The following XIRP2 variants were observed in gnomAD, a reference collection of about 807,000 sequenced individuals.
XIRP2 encodes xin actin-binding repeat-containing protein 2.
In XIRP2, 236 loss-of-function variants were observed where a neutral mutation model predicts 277.0. The observed-to-expected ratio is 0.85, with a 90% CI of 0.77 to 0.95. XIRP2 has a LOEUF of 0.95. XIRP2 is among the 40% of genes least tolerant of loss of function. XIRP2 has a pLI of 0.00. For synonymous variants in XIRP2, 1,490 were observed against 1,416.5 expected (o/e 1.05, Z -1.17); for missense variants, 4,640 against 4,157.5 (o/e 1.12, Z -3.19).
At chr2:166,910,028 G>T (rs537512941) in intron 2 of XIRP2, among the ~76,000 whole-genome samples, 2 of 152,282 alleles carry the variant, frequency 1.3e-5, no homozygotes, top group East Asian at 3.9e-4. Flanking sequence ...ATTTTACTGA[G>T]GATTTAGGCA....
At chr2:167,020,243 G>A (rs1687942813) in intron 2 of XIRP2, among the ~76,000 whole-genome samples, 1 of 151,924 alleles carries the variant, frequency 6.6e-6, no homozygotes, top group South Asian at 2.1e-4. Context: ...CATCTATCGG[G>A]ATCTTTCAGG....
At chr2:167,146,770 T>C (rs1246799249) in intron 3 of XIRP2, among the ~76,000 whole-genome samples, 1 of 151,846 alleles carries the variant, frequency 6.6e-6, no homozygotes, top group Non-Finnish European at 1.5e-5. Flanking sequence ...GCATGCACAA[T>C]GAAGGCATAT....
chr2:166,978,200 T>C (rs1574131471), intron 2 of XIRP2, among the ~76,000 whole-genome samples: 1 of 152,174 alleles, frequency 6.6e-6, no homozygotes, highest in East Asian at 1.9e-4. Context: ...AAGTGTGTAT[T>C]TGTTTATTTG....
At chr2:166,892,273 G>GA in intron 1 of XIRP2, among the ~76,000 whole-genome samples, 1 of 152,096 alleles carries the variant, frequency 6.6e-6, no homozygotes, top group East Asian at 1.9e-4. Flanking sequence ...AATTATACCT[G>GA]AAAAAAATAT....
At chr2:167,166,451 T>A (rs565143776) in intron 3 of XIRP2, among the ~76,000 whole-genome samples, 1 of 152,210 alleles carries the variant, frequency 6.6e-6, no homozygotes, top group Non-Finnish European at 1.5e-5. Flanking sequence ...CATAAAGTAG[T>A]CTATAGATAT....
At chr2:167,118,068 C>T (rs1420485437) in intron 2 of XIRP2, among the ~76,000 whole-genome samples, 1 of 152,024 alleles carries the variant, frequency 6.6e-6, no homozygotes, top group East Asian at 1.9e-4. Flanking sequence ...TATGTTTTTT[C>T]CCCCACCAAA....
chr2:167,082,787 G>A (rs1689779025), intron 2 of XIRP2, among the ~76,000 whole-genome samples: 1 of 152,104 alleles, frequency 6.6e-6, no homozygotes, highest in South Asian at 2.1e-4. Flanking sequence ...TTTTGATGGG[G>A]TTGTTTGTTT....
intron 2 of XIRP2, among the ~76,000 whole-genome samples, chr2:167,022,363 A>G (rs1401801923): frequency 6.6e-6 from 1 of 152,160 alleles, no homozygotes; most frequent in African/African-American, 2.4e-5. Flanking sequence ...ATGATTTTCT[A>G]AATGTTGTTG....
At position 167,156,142 on chromosome 2, in the gene XIRP2, G is replaced by A. The variant is rs551835880; in HGVS notation, c.562+20080G>A. The stretch of plus-strand genomic sequence containing the variant: ...AACATTCCATGCTCATGGGTAGGAA[G>A]AATCAATATCGTGAAAATGGCCATA... On this transcript the variant is annotated intron_variant, in intron 3 of 10. Coordinates refer to ENST00000409195, the MANE Select transcript of XIRP2 (RefSeq NM_152381.6). 6.4e-4 allele frequency among the ~76,000 whole-genome samples: 97 copies of A among 151,946 alleles called. 1 individual carries two copies. Among genetic ancestry groups the A allele is most frequent in the Non-Finnish European group, 1.9e-4 (13 of 67,988 alleles).
intron 3 of XIRP2, among the ~76,000 whole-genome samples, chr2:167,140,355 A>G (rs1227535196): frequency 5.3e-5 from 8 of 152,206 alleles, no homozygotes; most frequent in Non-Finnish European, 7.3e-5. Context: ...TAAGATTAAC[A>G]AAGTTAAATG....
intron 3 of XIRP2, among the ~76,000 whole-genome samples, chr2:167,201,221 A>T (rs1030154685): frequency 8.9e-6 from 1 of 112,558 alleles, no homozygotes; most frequent in Non-Finnish European, 1.7e-5. Flanking sequence ...AAAGAAAGAA[A>T]GAAAGAAAGA....
intron 2 of XIRP2, among the ~76,000 whole-genome samples, chr2:167,084,720 T>C (rs1416099283): frequency 6.6e-6 from 1 of 151,942 alleles, no homozygotes; most frequent in Non-Finnish European, 1.5e-5. Flanking sequence ...TTTTCTAGTT[T>C]ATTTGCGTAG....
chr2:167,243,677 T>A lies in XIRP2; in HGVS notation c.2285T>A (p.Val762Asp), dbSNP rs188044002. 344 of 1,613,878 alleles carry A rather than the reference T, an allele frequency of 2.1e-4. No homozygotes were observed. The highest frequency in any genetic ancestry group is 1.9e-4 in the Non-Finnish European group (224 of 1,179,940). ...LEIKTVHREDVEKGDVRTARW... is the reference protein window; with the variant it reads ...LEIKTVHREDDEKGDVRTARW... ...ATTAAAACTGTTCACAGAGAAGACG[T>A]TGAAAAGGGAGATGTAAGAACAGCA... Residue 762 changes from valine to aspartate, a missense_variant, in exon 9 of 11, where the codon GTT (valine) becomes GAT (aspartate). Transcript: ENST00000409195.
chr2:167,212,897 AC>A (rs1305310191), intron 4 of XIRP2, among the ~76,000 whole-genome samples: 12 of 23,722 alleles, frequency 5.1e-4, no homozygotes, highest in African/African-American at 1.7e-3. Context: ...CCACCCCCCC[AC>A]CCCCCCACCC....
chr2:167,243,395 A>G lies in XIRP2; in HGVS notation c.2003A>G (p.Lys668Arg). 6.2e-7 allele frequency: 1 copy of G among 1,614,084 alleles called. No individual in the cohort carries two copies. Among genetic ancestry groups the G allele is most frequent in the Non-Finnish European group, 8.5e-7 (1 of 1,179,980 alleles). The change falls in exon 9 of 11, where the codon AAA becomes AGA. Residue 668 changes from lysine to arginine, a missense_variant. Coordinates refer to ENST00000409195, the MANE Select transcript of XIRP2 (RefSeq NM_152381.6). Reference protein sequence around the residue: ...FETRPLDSMNKMHQSQEESAV... With the variant: ...FETRPLDSMNRMHQSQEESAV... ...ACAAGGCCATTGGACTCAATGAATAAAATGCATCAAAGTCAAGAAGAATCA... is the reference window on the plus strand; with the variant it reads ...ACAAGGCCATTGGACTCAATGAATAGAATGCATCAAAGTCAAGAAGAATCA...
intron 3 of XIRP2, among the ~76,000 whole-genome samples, chr2:167,143,124 T>A (rs1461745767): frequency 2.0e-5 from 3 of 151,994 alleles, no homozygotes; most frequent in African/African-American, 7.3e-5. Context: ...AGTAGTAAAA[T>A]CCATAAATTC....
Position 167,027,761 on chromosome 2 carries a change from T to C in XIRP2, c.409-108148T>C, listed in dbSNP as rs150941661. ...TAGCTGCAGGTCTGTTGGAGTTTGC[T>C]AGAGGTCCACTCCAGACCCTATAAA... On this transcript the variant is annotated intron_variant, in intron 2 of 10. Transcript: ENST00000409195. Among the ~76,000 whole-genome samples, 469 of 152,200 alleles carry C rather than the reference T, an allele frequency of 3.1e-3. 6 individuals are homozygous for C. The highest frequency in any genetic ancestry group is 0.01 in the African/African-American group (436 of 41,534).
intron 2 of XIRP2, among the ~76,000 whole-genome samples, chr2:166,994,922 C>CT (rs58470341): frequency 0.064 from 9,371 of 145,986 alleles, 414 homozygotes; most frequent in African/African-American, 0.12. Flanking sequence ...GCTTTGACTT[C>CT]TTTTTTTTTT....
At chr2:167,084,086 A>G (rs1263022825) in intron 2 of XIRP2, among the ~76,000 whole-genome samples, 1 of 152,080 alleles carries the variant, frequency 6.6e-6, no homozygotes, top group South Asian at 2.1e-4. Flanking sequence ...TTTGTCATAG[A>G]TAGATCTTAT....
Sources: allele counts gnomAD v4.1 joint callset (sites outside exome capture counted in the v4.1 genomes callset), GRCh38; gene constraint gnomAD v4.1.1; transcripts MANE v1.5; gene names NCBI Gene and HGNC (gene_info 2026-07-23, HGNC 2026-07-21).